The following EBF1 variants were observed in gnomAD, a reference collection of about 807,000 sequenced individuals.
The protein encoded by EBF1 is transcription factor COE1.
A neutral mutation model predicts 68.4 loss-of-function variants in EBF1; 10 were observed. That is an observed-to-expected ratio of 0.15 (90% CI 0.09 to 0.25). The LOEUF (loss-of-function observed/expected upper bound fraction) is 0.25. Among genes scored for constraint, EBF1 ranks in the 10% least tolerant of loss-of-function variants. EBF1 has a pLI of 1.00. For missense variants in EBF1, 509 were observed against 794.4 expected (o/e 0.64, Z 4.32); for synonymous variants, 298 against 299.8 (o/e 0.99, Z 0.06).
At chr5:158,771,813 G>A (rs1228739785) in intron 10 of EBF1, among the ~76,000 whole-genome samples, 1 of 152,082 alleles carries the variant, frequency 6.6e-6, no homozygotes, top group East Asian at 1.9e-4. Context: ...GAAGAGACTG[G>A]AGTCCAGAGC....
At chr5:158,922,391 C>T (rs1388214902) in intron 6 of EBF1, among the ~76,000 whole-genome samples, 3 of 152,182 alleles carry the variant, frequency 2.0e-5, no homozygotes, top group African/African-American at 7.2e-5. Flanking sequence ...CCCAACATAA[C>T]AATAACCGAC....
chr5:159,085,613 A>G (rs1452160765), intron 4 of EBF1, among the ~76,000 whole-genome samples: 1 of 152,204 alleles, frequency 6.6e-6, no homozygotes, highest in Non-Finnish European at 1.5e-5. Context: ...AGTGGGCTAC[A>G]TTTAGCTAAT....
At chr5:159,026,455 C>G (rs1767731934) in intron 6 of EBF1, among the ~76,000 whole-genome samples, 1 of 152,084 alleles carries the variant, frequency 6.6e-6, no homozygotes, top group Non-Finnish European at 1.5e-5. Context: ...ACAAACCAAG[C>G]AAACATAGGA....
chr5:158,978,010 C>G (rs939341789), intron 6 of EBF1, among the ~76,000 whole-genome samples: 2 of 152,260 alleles, frequency 1.3e-5, no homozygotes, highest in African/African-American at 4.8e-5. Context: ...CCCACACGGT[C>G]TACCCGTGGG....
intron 6 of EBF1, among the ~76,000 whole-genome samples, chr5:158,893,198 T>A (rs980858201): frequency 2.6e-5 from 4 of 152,222 alleles, no homozygotes; most frequent in Non-Finnish European, 4.4e-5. Context: ...TGCTCAACCA[T>A]CAGTTCCAAA....
intron 6 of EBF1, among the ~76,000 whole-genome samples, chr5:158,957,513 T>C (rs1159423550): frequency 1.3e-5 from 2 of 152,234 alleles, no homozygotes; most frequent in Non-Finnish European, 2.9e-5. Flanking sequence ...GTGAGTATAT[T>C]AGAACTCTCT....
intron 10 of EBF1, among the ~76,000 whole-genome samples, chr5:158,756,383 T>C (rs1285872703): frequency 6.6e-6 from 1 of 152,260 alleles, no homozygotes; most frequent in East Asian, 1.9e-4. Context: ...TCAATGGATT[T>C]GTTTTGTAAA....
chr5:158,799,622 T>C (rs950710196), intron 8 of EBF1, among the ~76,000 whole-genome samples: 1 of 152,126 alleles, frequency 6.6e-6, no homozygotes, highest in Non-Finnish European at 1.5e-5. Flanking sequence ...AGGCAAGACA[T>C]ACAAACGAAT....
chr5:158,706,021 C>T lies in EBF1; in HGVS notation c.1744+1958G>A, dbSNP rs144578694. On this transcript the variant is annotated intron_variant, in intron 15 of 15. Transcript: ENST00000313708. ...ATTTAAACCTATTATAAGTTATATT[C>T]GCTCAAGCATTATATCCCTAGTTTG... Among the ~76,000 whole-genome samples the T allele has an allele frequency of 3.0e-3, 455 of 152,290 alleles. 2 individuals are homozygous for T. The highest frequency in any genetic ancestry group is 0.011 in the African/African-American group (437 of 41,560).
intron 6 of EBF1, among the ~76,000 whole-genome samples, chr5:158,962,160 T>C (rs1481990067): frequency 6.6e-6 from 1 of 152,148 alleles, no homozygotes; most frequent in Non-Finnish European, 1.5e-5. Context: ...GCTTCCAAAA[T>C]ACGTAAACAA....
chr5:158,969,932 G>C lies in EBF1; in HGVS notation c.554+103464C>G, dbSNP rs866459688. Among the ~76,000 whole-genome samples, 9 of 129,652 alleles carry C rather than the reference G, an allele frequency of 6.9e-5. 1 individual carries two copies. In the South Asian group the frequency reaches 1.5e-3, roughly 22 times the overall value. 85.1% of individuals were successfully genotyped at this position (129,652 alleles called of 152,430 possible). On this transcript the variant is annotated intron_variant, in intron 6 of 15. Coordinates refer to ENST00000313708, the MANE Select transcript of EBF1 (RefSeq NM_024007.5). ...AGAAAGAAAGAAAAAAAAAAAAAAG[G>C]CTGCTGGAAGTTTTGCAAACTTCAA...
intron 6 of EBF1, among the ~76,000 whole-genome samples, chr5:159,059,068 T>C (rs1414202657): frequency 6.6e-6 from 1 of 152,168 alleles, no homozygotes; most frequent in African/African-American, 2.4e-5. Flanking sequence ...TTCTACAATA[T>C]GTAGGTGGCA....
At chr5:158,924,823 A>C (rs1329861500) in intron 6 of EBF1, among the ~76,000 whole-genome samples, 2 of 137,142 alleles carry the variant, frequency 1.5e-5, no homozygotes, top group East Asian at 4.9e-4. Context: ...ACTGCACTCC[A>C]GCCTGGGCAA....
chr5:158,755,093 G>A (rs189199691), intron 10 of EBF1, among the ~76,000 whole-genome samples: 2 of 152,070 alleles, frequency 1.3e-5, no homozygotes. Context: ...TTATGGCTGA[G>A]AAGTAAAATT....
intron 6 of EBF1, among the ~76,000 whole-genome samples, chr5:158,955,747 C>T (rs191917086): frequency 5.9e-5 from 9 of 152,256 alleles, no homozygotes; most frequent in African/African-American, 1.4e-4. Flanking sequence ...ACACCAGCCT[C>T]GTTATCAAAT....
intron 10 of EBF1, among the ~76,000 whole-genome samples, chr5:158,758,557 AC>A (rs1770659034): frequency 6.6e-6 from 1 of 152,178 alleles, no homozygotes; most frequent in African/African-American, 2.4e-5. Context: ...TTTTAAAAAA[AC>A]ATATGAGCTA....
chr5:159,067,665 C>A (rs967701673), intron 6 of EBF1, among the ~76,000 whole-genome samples: 2 of 152,084 alleles, frequency 1.3e-5, no homozygotes, highest in African/African-American at 2.4e-5. Flanking sequence ...ATGTACGGGG[C>A]TCATCTCATA....
At chr5:158,997,430 CT>C (rs1761638623) in intron 6 of EBF1, among the ~76,000 whole-genome samples, 2 of 152,146 alleles carry the variant, frequency 1.3e-5, no homozygotes, top group South Asian at 4.2e-4. Flanking sequence ...CTAAAAATTG[CT>C]AATCCACATA....
intron 11 of EBF1, among the ~76,000 whole-genome samples, chr5:158,726,087 G>C (rs1025674624): frequency 1.3e-5 from 2 of 152,170 alleles, no homozygotes; most frequent in African/African-American, 4.8e-5. Context: ...TTGCCTGCAT[G>C]TTTAGCTGTA....
Sources: gnomAD v4.1 joint callset for allele counts (sites outside exome capture counted in the v4.1 genomes callset) on GRCh38, gnomAD v4.1.1 for gene constraint, MANE v1.5 for transcripts, NCBI Gene and HGNC (gene_info 2026-07-23, HGNC 2026-07-21) for gene names.